Variants in ITGB2 observed in about 807,000 individuals in gnomAD.
ITGB2 encodes integrin beta-2.
A neutral mutation model predicts 86.8 loss-of-function variants in ITGB2; 56 were observed. That is an observed-to-expected ratio of 0.65 (90% CI 0.52 to 0.81). The LOEUF is 0.81. ITGB2 is among the 30% of genes least tolerant of loss of function. The pLI, the probability that ITGB2 is intolerant of heterozygous loss-of-function variation, is 0.00. For missense variants in ITGB2, 948 were observed against 1,061.2 expected (o/e 0.89, Z 1.48); for synonymous variants, 457 against 450.4 (o/e 1.01, Z -0.19).
rs754953540 is a variant in ITGB2, at chr21:44,889,453, C to T, written c.1700G>A (p.Gly567Asp). 2 of 1,600,092 alleles carry T rather than the reference C, an allele frequency of 1.2e-6. No individual in the cohort carries two copies. The highest frequency in any genetic ancestry group is 3.5e-5 in the Admixed American group (2 of 57,950). ...CFCGKCRCHPGFEGSACQCER... is the reference protein window; with the variant it reads ...CFCGKCRCHPDFEGSACQCER... ...GCACTGGCACGCTGAGCCCTCAAAG[C>T]CCGGGTGGCAGCGGCACTTCCCGCA... is the stretch of plus-strand genomic sequence containing the variant. The change falls in exon 13 of 16, where the codon GGC (glycine) becomes GAC (aspartate). Residue 567 changes from glycine (G) to aspartate (D), a missense_variant. Gly to Asp is a moderately conservative substitution (Grantham distance 94). Transcript: ENST00000652462.
chr21:44,893,153 C>A, intron 10 of ITGB2: 1 of 451,778 alleles, frequency 2.2e-6, no homozygotes, highest in South Asian at 2.1e-5. Flanking sequence ...ACAAGGAAAG[C>A]GTCTGGCCTC....
At chr21:44,908,446 G>A (rs992670587) in intron 3 of ITGB2, among the ~76,000 whole-genome samples, 1 of 152,084 alleles carries the variant, frequency 6.6e-6, no homozygotes. Flanking sequence ...AACTACTGGT[G>A]TTATCTGTAA....
intron 13 of ITGB2, 48 bp from the exon 14 acceptor site, chr21:44,888,943 C>G (rs780423991): frequency 5.3e-5 from 83 of 1,569,856 alleles, no homozygotes; most frequent in Non-Finnish European, 6.2e-5. Flanking sequence ...TGCGGGGGCT[C>G]CGGCAACGGG....
chr21:44,903,254 C>G lies in ITGB2; in HGVS notation c.499+111G>C. Reference sequence around the variant, plus strand: ...GCCCTGGGGGGACCTGCATCTGGGGCCCCCAGATCTACCCTGGGGACCTGA... The same window carrying G: ...GCCCTGGGGGGACCTGCATCTGGGGGCCCCAGATCTACCCTGGGGACCTGA... On this transcript the variant is annotated intron_variant, in intron 5 of 15. Coordinates refer to ENST00000652462, the MANE Select transcript of ITGB2 (RefSeq NM_000211.5). 4.4e-6 allele frequency: 6 copies of G among 1,358,762 alleles called. No individual in the cohort carries two copies. The South Asian group carries it at 4.7e-5, about 11-fold the overall frequency. 84.2% of individuals were successfully genotyped at this position (1,358,762 alleles called of 1,614,324 possible). A position where few individuals can be genotyped will look rare whatever the true frequency, so the allele number is the denominator to read the frequency against.
chr21:44,924,001 G>C (rs1372896765), upstream of ITGB2, among the ~76,000 whole-genome samples: 1 of 152,170 alleles, frequency 6.6e-6, no homozygotes, highest in Non-Finnish European at 1.5e-5. Context: ...ATGAGAGTCA[G>C]AATCCACAGA....
At chr21:44,916,265 T>G (rs995016725) in intron 1 of ITGB2, among the ~76,000 whole-genome samples, 2 of 151,854 alleles carry the variant, frequency 1.3e-5, no homozygotes, top group Non-Finnish European at 2.9e-5. Context: ...CCAAATGAAA[T>G]AAAATGAGAC....
At chr21:44,887,312 C>G (rs1257597400) in intron 14 of ITGB2, among the ~76,000 whole-genome samples, 1 of 152,178 alleles carries the variant, frequency 6.6e-6, no homozygotes, top group Non-Finnish European at 1.5e-5. Flanking sequence ...TTGTGGTCGT[C>G]AAGGACAAGA....
intron 1 of ITGB2, among the ~76,000 whole-genome samples, chr21:44,914,739 A>C (rs2084179026): frequency 1.3e-5 from 2 of 152,206 alleles, no homozygotes; most frequent in African/African-American, 4.8e-5. Flanking sequence ...CCTGGGCAAC[A>C]CAGTGAGACT....
chr21:44,895,662 G>T (rs553517470), intron 8 of ITGB2, among the ~76,000 whole-genome samples: 1 of 152,144 alleles, frequency 6.6e-6, no homozygotes, highest in South Asian at 2.1e-4. Flanking sequence ...CCAACATGGT[G>T]AAACCCCGTC....
chr21:44,890,630 G>A (rs73239712), intron 11 of ITGB2, among the ~76,000 whole-genome samples: 2,813 of 152,312 alleles, frequency 0.018, 39 homozygotes, highest in Non-Finnish European at 0.029. Context: ...TCCCTCCTGC[G>A]TTCGTGCACT....
chr21:44,889,628 TG>T (rs2083756021), intron 12 of ITGB2, 133 bp from the exon 13 acceptor site: 1 of 924,390 alleles, frequency 1.1e-6, no homozygotes, highest in East Asian at 2.6e-5. Flanking sequence ...GCAAAAGGCA[TG>T]GGGCCACTAG....
At chr21:44,906,723 G>A (rs1302656695) in intron 4 of ITGB2, among the ~76,000 whole-genome samples, 192 bp downstream of exon 4, 1 of 152,196 alleles carries the variant, frequency 6.6e-6, no homozygotes, top group Non-Finnish European at 1.5e-5. Flanking sequence ...AGCTCCACCT[G>A]GGGACAGAGC....
At chr21:44,924,834 G>A (rs922780678), upstream of ITGB2, among the ~76,000 whole-genome samples, 19 of 152,164 alleles carry the variant, frequency 1.2e-4, no homozygotes, top group African/African-American at 4.3e-4. Flanking sequence ...GTAACACTGA[G>A]ATTCTTCTGA....
chr21:44,889,224 T>C, intron 13 of ITGB2, 52 bp downstream of exon 13: 2 of 1,560,426 alleles, frequency 1.3e-6, no homozygotes, highest in Non-Finnish European at 1.8e-6. Flanking sequence ...GCTGGGTAGG[T>C]GGCCGGGGAG....
chr21:44,889,935 TGCC>T (rs748756345), intron 12 of ITGB2, 40 bp downstream of exon 12: 1 of 1,610,626 alleles, frequency 6.2e-7, no homozygotes. Context: ...ACCAAGTCTG[TGCC>T]GCAGGACGGC....
rs550553324 is a variant in ITGB2, at chr21:44,910,339, C to T, written c.92G>A (p.Ser31Asn). The T allele has an allele frequency of 4.0e-5, 65 of 1,614,172 alleles. 1 individual carries two copies. In the South Asian group the frequency reaches 6.9e-4, roughly 17 times the overall value. Residue 31 changes from serine to asparagine, a missense_variant, in exon 3 of 16, where the codon AGC becomes AAC. By Grantham distance (46) the Ser-to-Asn change is conservative (BLOSUM62 1). Transcript: ENST00000652462. The stretch of plus-strand genomic sequence containing the variant: ...CGACTCGATGCATTCCCGGCAGCTG[C>T]TGACCTTGAACTTCGTGCACTCCTG... ...LSQECTKFKV[S>N]SCRECIESGP...
At chr21:44,888,653 A>G (rs1424938965) in intron 14 of ITGB2, 40 bp downstream of exon 14, 1 of 1,594,650 alleles carries the variant, frequency 6.3e-7, no homozygotes, top group Non-Finnish European at 8.5e-7. Context: ...CCGCAGCCGG[A>G]GCTCTGGAGC....
intron 10 of ITGB2, chr21:44,893,059 C>A: frequency 1.3e-5 from 4 of 317,538 alleles, no homozygotes; most frequent in Admixed American, 4.3e-5. Flanking sequence ...GGGGCCAAGG[C>A]GTGTGTGAAG....
At chr21:44,907,157 TG>T in intron 3 of ITGB2, 62 bp from the exon 4 acceptor site, 3 of 1,339,962 alleles carry the variant, frequency 2.2e-6, no homozygotes, top group Non-Finnish European at 3.1e-6. Flanking sequence ...GGAGGCTGAC[TG>T]GCCATGGAGG....
Sources: allele counts gnomAD v4.1 joint callset (sites outside exome capture counted in the v4.1 genomes callset), GRCh38; gene constraint gnomAD v4.1.1; transcripts MANE v1.5; gene names NCBI Gene and HGNC (gene_info 2026-07-23, HGNC 2026-07-21).